Variants in GABRB1 observed in about 807,000 individuals in gnomAD.
GABRB1 encodes the protein gamma-aminobutyric acid receptor subunit beta-1.
A neutral mutation model predicts 51.6 loss-of-function variants in GABRB1; 17 were observed. The observed-to-expected ratio is 0.33, with a 90% CI of 0.23 to 0.49. The LOEUF (loss-of-function observed/expected upper bound fraction) is 0.49. GABRB1 is among the 20% of genes least tolerant of loss of function. GABRB1 has a pLI of 0.99. For missense variants in GABRB1, 410 were observed against 600.6 expected (o/e 0.68, Z 3.32); for synonymous variants, 247 against 218.9 (o/e 1.13, Z -1.14).
chr4:47,169,620 G>A lies in GABRB1; in HGVS notation c.461+8151G>A, dbSNP rs138632676. On this transcript the variant is annotated intron_variant, in intron 4 of 8. Coordinates refer to ENST00000295454, the MANE Select transcript of GABRB1 (RefSeq NM_000812.4). ...AGGTTCAAGCGATTCTCCTGCCTCA[G>A]CCTCCCGAGTAGCTGGGATTACAGG... Among the ~76,000 whole-genome samples the A allele has an allele frequency of 1.2e-3, 175 of 152,128 alleles. 1 individual carries two copies. In the East Asian group the frequency reaches 0.012, roughly 11 times the overall value.
chr4:47,292,842 G>T (rs967235275), intron 4 of GABRB1, among the ~76,000 whole-genome samples: 1 of 151,922 alleles, frequency 6.6e-6, no homozygotes, highest in Non-Finnish European at 1.5e-5. Context: ...GGAGGGAGGG[G>T]GCTGAAATCC....
intron 4 of GABRB1, among the ~76,000 whole-genome samples, chr4:47,244,736 G>T (rs1721674453): frequency 6.6e-6 from 1 of 152,148 alleles, no homozygotes; most frequent in East Asian, 1.9e-4. Context: ...ACTTGCTCCT[G>T]AATGACTACT....
chr4:47,315,320 C>T (rs137911228), intron 4 of GABRB1, among the ~76,000 whole-genome samples: 12 of 151,938 alleles, frequency 7.9e-5, no homozygotes, highest in Admixed American at 2.0e-4. Flanking sequence ...GCATATAAAA[C>T]CACAATGTGA....
chr4:47,241,950 A>G (rs976521351), intron 4 of GABRB1, among the ~76,000 whole-genome samples: 1 of 151,782 alleles, frequency 6.6e-6, no homozygotes, highest in Non-Finnish European at 1.5e-5. Flanking sequence ...GGTTTGTTAC[A>G]TATGTATACA....
intron 3 of GABRB1, among the ~76,000 whole-genome samples, chr4:47,069,942 C>T (rs934550730): frequency 6.6e-6 from 1 of 152,096 alleles, no homozygotes; most frequent in African/African-American, 2.4e-5. Flanking sequence ...CAATAAAGAC[C>T]CCCATGTTGC....
At position 47,425,935 on chromosome 4, in the gene GABRB1, T is replaced by A; in HGVS notation, c.1342T>A (p.Ser448Thr). ...VKIPDLTDVN[S>T]IDKWSRMFFP... ...GATCCCCGACTTGACTGATGTGAAT[T>A]CCATAGACAAGTGGTCCCGAATGTT... Residue 448 changes from serine (S) to threonine (T), a missense_variant, in exon 9 of 9, where the codon TCC becomes ACC. Physicochemically the swap from Ser to Thr is moderately conservative, Grantham distance 58. Around this residue, in one of 5 missense-constraint regions of GABRB1, gnomAD observed 181 missense variants for 195.6 expected, o/e 0.93. Transcript: ENST00000295454. The A allele has an allele frequency of 1.9e-6, 3 of 1,613,988 alleles. No homozygotes were observed. The highest frequency in any genetic ancestry group is 2.5e-6 in the Non-Finnish European group (3 of 1,179,868).
At chr4:47,240,440 T>C in intron 4 of GABRB1, among the ~76,000 whole-genome samples, 1 of 152,212 alleles carries the variant, frequency 6.6e-6, no homozygotes, top group East Asian at 1.9e-4. Context: ...AAATTCCATT[T>C]TTCAAGAGTG....
At chr4:47,361,921 C>T (rs1471572633) in intron 5 of GABRB1, among the ~76,000 whole-genome samples, 1 of 151,956 alleles carries the variant, frequency 6.6e-6, no homozygotes, top group Non-Finnish European at 1.5e-5. Flanking sequence ...GAAATCTAGG[C>T]TGGACATGTA....
chr4:47,372,512 G>A (rs575600927), intron 5 of GABRB1, among the ~76,000 whole-genome samples: 1 of 152,070 alleles, frequency 6.6e-6, no homozygotes, highest in Admixed American at 6.5e-5. Flanking sequence ...GGCCATTTTC[G>A]GTTATTTACA....
At chr4:47,399,443 T>C (rs1007116381) in intron 5 of GABRB1, among the ~76,000 whole-genome samples, 1 of 151,812 alleles carries the variant, frequency 6.6e-6, no homozygotes, top group African/African-American at 2.4e-5. Context: ...AATCAAGCTG[T>C]TTTGATTTTC....
chr4:47,184,861 ATAAGGTTTT>A (rs1414570172), intron 4 of GABRB1, among the ~76,000 whole-genome samples: 1 of 151,856 alleles, frequency 6.6e-6, no homozygotes, highest in Non-Finnish European at 1.5e-5. Flanking sequence ...TGCCACATAC[ATAAGGTTTT>A]TGAATATTAT....
chr4:47,398,031 T>C (rs1728238643), intron 5 of GABRB1, among the ~76,000 whole-genome samples: 1 of 152,242 alleles, frequency 6.6e-6, no homozygotes, highest in African/African-American at 2.4e-5. Context: ...AAATATGCTA[T>C]GCCTTTTATT....
At position 47,320,172 on chromosome 4, in the gene GABRB1, A is replaced by G. The variant is rs574779079; in HGVS notation, c.507A>G (p.Pro169=). 4 of 1,608,802 alleles carry G rather than the reference A, an allele frequency of 2.5e-6. No homozygotes were observed. The Admixed American group carries it at 6.7e-5, about 27-fold the overall frequency. Residue 169 remains proline, a synonymous_variant, in exon 5 of 9, where the codon CCA becomes CCG. Coordinates refer to ENST00000295454, the MANE Select transcript of GABRB1 (RefSeq NM_000812.4). ...AACMMDLRRY[P]LDEQNCTLEI... ...GTATGATGGATCTTCGAAGATATCC[A>G]TTGGATGAGCAGAACTGCACCCTGG...
intron 3 of GABRB1, among the ~76,000 whole-genome samples, chr4:47,070,608 A>G (rs1022980191): frequency 5.3e-5 from 8 of 152,208 alleles, no homozygotes; most frequent in Non-Finnish European, 2.9e-5. Flanking sequence ...CTGGGATTAC[A>G]GCCATGAGCC....
At chr4:47,181,120 A>G (rs1718928306) in intron 4 of GABRB1, among the ~76,000 whole-genome samples, 1 of 151,924 alleles carries the variant, frequency 6.6e-6, no homozygotes, top group Non-Finnish European at 1.5e-5. Flanking sequence ...TTGGCTTATC[A>G]CCATTTTCTC....
chr4:47,033,012 A>T (rs2109471502), intron 3 of GABRB1: 1 of 328,690 alleles, frequency 3.0e-6, no homozygotes, highest in South Asian at 2.5e-5. Context: ...TGGCAGGAGC[A>T]ACAGGCTAAG....
At chr4:47,198,296 T>C (rs1302813390) in intron 4 of GABRB1, among the ~76,000 whole-genome samples, 1 of 152,194 alleles carries the variant, frequency 6.6e-6, no homozygotes, top group Admixed American at 6.5e-5. Context: ...CATGTTTCAG[T>C]ACCTCTTAGT....
intron 4 of GABRB1, among the ~76,000 whole-genome samples, chr4:47,278,978 AT>A (rs751085110): frequency 1.3e-5 from 2 of 152,056 alleles, no homozygotes; most frequent in Non-Finnish European, 2.9e-5. Context: ...TATATTGCTC[AT>A]TTTTGTTACT....
At chr4:47,074,462 T>A (rs1727468454) in intron 3 of GABRB1, among the ~76,000 whole-genome samples, 1 of 152,130 alleles carries the variant, frequency 6.6e-6, no homozygotes, top group South Asian at 2.1e-4. Context: ...GGCACAGAAG[T>A]GGGAGGCAGG....
Sources: gnomAD v4.1 joint callset for allele counts (sites outside exome capture counted in the v4.1 genomes callset) on GRCh38, gnomAD v4.1.1 for gene constraint, gnomAD v4.1.1 regional missense constraint, MANE v1.5 for transcripts, NCBI Gene and HGNC (gene_info 2026-07-23, HGNC 2026-07-21) for gene names.